Variants in BRD1 observed in about 807,000 individuals in gnomAD.
BRD1 encodes the protein bromodomain containing 1.
In BRD1, 24 loss-of-function variants were observed where a neutral mutation model predicts 107.7. That is an observed-to-expected ratio of 0.22 (90% CI 0.16 to 0.31). The LOEUF (loss-of-function observed/expected upper bound fraction) is 0.31, where lower values mean the gene tolerates loss of function less well. BRD1 is among the 10% of genes least tolerant of loss of function. BRD1 has a pLI of 1.00. For missense variants in BRD1, 1,279 were observed against 1,638.6 expected (o/e 0.78, Z 3.79); for synonymous variants, 744 against 686.1 (o/e 1.08, Z -1.32).
At chr22:49,781,412 C>T (rs1465693329) in intron 8 of BRD1, among the ~76,000 whole-genome samples, 2 of 152,200 alleles carry the variant, frequency 1.3e-5, no homozygotes, top group East Asian at 1.9e-4. Flanking sequence ...CCTGGGGAGG[C>T]GGAGGCCTGC....
Position 49,774,297 on chromosome 22 carries a change from C to T in BRD1, c.3506G>A (p.Arg1169His), listed in dbSNP as rs759231162. ...IRKAVRIAFD[R>H]AMNHLSRVHG... ...GACGCGGCTCAGGTGGTTCATGGCG[C>T]GGTCAAAAGCGATCCGCACGGCCTT... The change falls in exon 13 of 13, where the codon CGC (arginine) becomes CAC (histidine). Residue 1169 changes from arginine (R) to histidine (H), a missense_variant. Arg to His is a conservative substitution (Grantham distance 29, BLOSUM62 0). Around this residue, in one of 7 missense-constraint regions of BRD1, gnomAD observed 136 missense variants for 196.8 expected, o/e 0.69. Transcript: ENST00000404760. 3.1e-6 allele frequency: 5 copies of T among 1,614,208 alleles called. No individual in the cohort carries two copies. The highest frequency in any genetic ancestry group is 1.3e-5 in the African/African-American group (1 of 75,066).
At position 49,787,419 on chromosome 22, in the gene BRD1, T is replaced by G; in HGVS notation, c.2828A>C (p.Glu943Ala). The G allele has an allele frequency of 1.2e-6, 2 of 1,609,602 alleles. No individual in the cohort carries two copies. The highest frequency in any genetic ancestry group is 1.7e-6 in the Non-Finnish European group (2 of 1,177,840). The change falls in exon 8 of 13, where the codon GAG becomes GCG. Residue 943 changes from glutamate (E) to alanine (A), a missense_variant. Physicochemically the swap from Glu to Ala is moderately radical, Grantham distance 107. Transcript: ENST00000404760. ...GTCCAGGCGCTTTCCTGGGGACTCC[T>G]CCTCCACCTCGGAGTCTCCGCATGT... ...RSTCGDSEVEEESPGKRLDAG... is the reference protein window; with the variant it reads ...RSTCGDSEVEAESPGKRLDAG...
chr22:49,811,476 A>T (rs1170189354), intron 2 of BRD1, among the ~76,000 whole-genome samples: 1 of 152,230 alleles, frequency 6.6e-6, no homozygotes, highest in Non-Finnish European at 1.5e-5. Context: ...AACTTGGAAC[A>T]GGACCGAGCG....
chr22:49,824,057 T>C lies in BRD1; in HGVS notation c.261A>G (p.Leu87=). The change falls in exon 2 of 13, where the codon TTA becomes TTG. Residue 87 remains leucine (L), a synonymous_variant. Transcript: ENST00000404760. This position sits in a 1 kb window ranked among gnomAD's most constrained non-coding sequence, Gnocchi z 5.9. ...KENSERPPVC[L]RTKRHKNNRV... is the part of the protein sequence containing the mutation. ...TGTTGTTTTTGTGACGCTTAGTTCTTAAGCAGACAGGAGGCCGCTCGCTGT... is the reference window on the plus strand; with the variant it reads ...TGTTGTTTTTGTGACGCTTAGTTCTCAAGCAGACAGGAGGCCGCTCGCTGT... 3 of 1,613,994 alleles carry C rather than the reference T, an allele frequency of 1.9e-6. No homozygotes were observed. The highest frequency in any genetic ancestry group is 1.1e-5 in the South Asian group (1 of 91,092).
chr22:49,775,833 A>ACCCCCC, intron 11 of BRD1, 88 bp from the exon 12 acceptor site: 1 of 540,506 alleles, frequency 1.9e-6, no homozygotes, highest in South Asian at 4.4e-5. Context: ...CCGCCTCCCC[A>ACCCCCC]CCCCAGCTGT....
intron 3 of BRD1, among the ~76,000 whole-genome samples, 199 bp from the exon 4 acceptor site, chr22:49,799,318 T>C (rs563929299): frequency 1.1e-4 from 16 of 139,942 alleles, no homozygotes; most frequent in Admixed American, 3.6e-4. Flanking sequence ...ACAGAGGGGA[T>C]GGAGGGGACA....
rs2060161100 is a variant in BRD1 at position 49,827,694 on chromosome 22, G to C, written c.-212C>G. ...AGCGGCGGCCGCGGACTCTCGGGCA[G>C]CGGCTCGCGCGGCGCGGGCTCGGGC... is the stretch of plus-strand genomic sequence containing the variant. On this transcript the variant is annotated 5_prime_UTR_variant, in exon 1 of 13. Coordinates refer to ENST00000404760, the MANE Select transcript of BRD1 (RefSeq NM_001304808.3). Among the ~76,000 whole-genome samples, 1 of 144,982 alleles carries C rather than the reference G, an allele frequency of 6.9e-6. No individual in the cohort carries two copies. The highest frequency in any genetic ancestry group is 1.5e-5 in the Non-Finnish European group (1 of 65,388).
intron 2 of BRD1, among the ~76,000 whole-genome samples, chr22:49,822,397 C>A (rs1313030472): frequency 6.6e-6 from 1 of 151,648 alleles, no homozygotes. Context: ...ACACTCCAGC[C>A]TGGGCAACAG....
chr22:49,774,149 C>G lies in BRD1; in HGVS notation c.*84G>C, dbSNP rs2059035564. ...GAATTAAAGAGCTATAACTAAAAAT[C>G]AGAATAAGTTAAGTTTTGAACAATA... On this transcript the variant is annotated 3_prime_UTR_variant, in exon 13 of 13. Transcript: ENST00000404760. 2 of 1,437,916 alleles carry G rather than the reference C, an allele frequency of 1.4e-6. No homozygotes were observed. Among genetic ancestry groups the G allele is most frequent in the Non-Finnish European group, 1.8e-6 (2 of 1,083,616 alleles). 89.1% of individuals were successfully genotyped at this position (1,437,916 alleles called of 1,614,324 possible).
At chr22:49,814,609 T>C (rs2059915589) in intron 2 of BRD1, among the ~76,000 whole-genome samples, 1 of 152,226 alleles carries the variant, frequency 6.6e-6, no homozygotes, top group Non-Finnish European at 1.5e-5. Flanking sequence ...ACCTGGGTAG[T>C]CCCTGCTCTC....
chr22:49,804,016 G>A (rs768077099), intron 3 of BRD1, among the ~76,000 whole-genome samples, 188 bp downstream of exon 3: 5 of 152,224 alleles, frequency 3.3e-5, no homozygotes, highest in Non-Finnish European at 7.3e-5. Context: ...ATCACCCCCC[G>A]AGTCGCAGAT....
chr22:49,825,568 C>A (rs1017836110), intron 1 of BRD1, among the ~76,000 whole-genome samples: 4 of 152,214 alleles, frequency 2.6e-5, no homozygotes, highest in African/African-American at 9.6e-5. Context: ...CTCCAAAGCG[C>A]CACACTTCAC....
rs2060128452 is a variant in BRD1, at chr22:49,824,778, C to T, written c.-14-447G>A. The T allele has an allele frequency of 9.8e-7, 1 of 1,021,978 alleles. No homozygotes were observed. The highest frequency in any genetic ancestry group is 1.2e-6 in the Non-Finnish European group (1 of 850,500). The allele number at this position is 1,021,978 out of a possible 1,614,324, so 63.3% of individuals were successfully genotyped here. A position where few individuals can be genotyped will look rare whatever the true frequency, so the allele number is the denominator to read the frequency against. ...AGGCTATGCCCACCAGACAGGCATG[C>T]TCAGTGGCTACCTGGTCCTATCGGA... On this transcript the variant is annotated intron_variant, in intron 1 of 12. Coordinates refer to ENST00000404760, the MANE Select transcript of BRD1 (RefSeq NM_001304808.3). This position sits in a 1 kb window ranked among gnomAD's most constrained non-coding sequence, Gnocchi z 5.9.
In BRD1 at chr22:49,776,167, GA is replaced by G. The variant is rs755737350; in HGVS notation, c.3122-9del. 14 of 1,601,956 alleles carry G rather than the reference GA, an allele frequency of 8.7e-6. No individual in the cohort carries two copies. In the South Asian group the frequency reaches 1.4e-4, roughly 16 times the overall value. ...TGCTGCTCTGGCCGACTTCTGCGGA[GA>G]GGGGCGTCAGCAGGACACAGGCGTC... On this transcript the variant is annotated splice_polypyrimidine_tract_variant and intron_variant, in intron 10 of 12. Transcript: ENST00000404760.
intron 2 of BRD1, among the ~76,000 whole-genome samples, chr22:49,816,800 C>G (rs1014273183): frequency 1.2e-4 from 18 of 152,224 alleles, no homozygotes; most frequent in African/African-American, 4.1e-4. Context: ...GAAAAAAGTG[C>G]CTTCCGAATT....
In BRD1 at chr22:49,789,563, G is replaced by A. The variant is rs1049570828; in HGVS notation, c.2360-1676C>T. 6.0e-5 allele frequency among the ~76,000 whole-genome samples: 9 copies of A among 149,614 alleles called. No individual in the cohort carries two copies. The Admixed American group carries it at 6.1e-4, about 10-fold the overall frequency. On this transcript the variant is annotated intron_variant, in intron 7 of 12. Coordinates refer to ENST00000404760, the MANE Select transcript of BRD1 (RefSeq NM_001304808.3). ...CACTGCAATCCCAATGGCCTCTGCA[G>A]GGCCAAGGCCAGTGGTCAACCCCAG...
chr22:49,808,566 T>C (rs1168415270), intron 2 of BRD1, among the ~76,000 whole-genome samples: 1 of 152,152 alleles, frequency 6.6e-6, no homozygotes, highest in Admixed American at 6.5e-5. Context: ...AGTTTCAGAC[T>C]GGGAAGACAA....
In BRD1 at chr22:49,824,527, C is replaced by T; in HGVS notation, c.-14-196G>A. On this transcript the variant is annotated intron_variant, in intron 1 of 12. Transcript: ENST00000404760. The surrounding 1 kb of genome is among the most constrained non-coding windows in gnomAD (Gnocchi z 5.9). The stretch of plus-strand genomic sequence containing the variant: ...CGAGTCCCCAGGACCAGGGAGGGAG[C>T]AGCAGTAACAGGCAGAGAGGCAGCC... 2.1e-6 allele frequency: 3 copies of T among 1,404,948 alleles called. No homozygotes were observed. The highest frequency in any genetic ancestry group is 2.8e-6 in the Non-Finnish European group (3 of 1,082,524). 87.0% of individuals were successfully genotyped at this position (1,404,948 alleles called of 1,614,324 possible).
chr22:49,813,326 A>T (rs2059888485), intron 2 of BRD1, among the ~76,000 whole-genome samples: 1 of 151,864 alleles, frequency 6.6e-6, no homozygotes. Flanking sequence ...GCTTCAAGCG[A>T]TTCTCCTGCC....
Sources: allele counts gnomAD v4.1 joint callset (sites outside exome capture counted in the v4.1 genomes callset), GRCh38; gene constraint gnomAD v4.1.1; regional missense constraint gnomAD v4.1.1; non-coding constraint Gnocchi (gnomAD v3.1); transcripts MANE v1.5; gene names NCBI Gene and HGNC (gene_info 2026-07-23, HGNC 2026-07-21).